Variants in NOL4 observed in about 807,000 individuals in gnomAD.
NOL4 encodes the protein cancer/testis antigen 125.
NOL4 carries 17 observed loss-of-function variants against 75.9 expected under a neutral mutation model. That is an observed-to-expected ratio of 0.22 (90% CI 0.15 to 0.34). NOL4 has a LOEUF of 0.34. NOL4 is among the 10% of genes least tolerant of loss of function. NOL4 has a pLI of 1.00. For synonymous variants in NOL4, 292 were observed against 289.9 expected (o/e 1.01, Z -0.07); for missense variants, 614 against 793.5 (o/e 0.77, Z 2.72).
intron 6 of NOL4, among the ~76,000 whole-genome samples, chr18:33,979,526 A>G (rs373121009): frequency 1.3e-5 from 2 of 152,060 alleles, no homozygotes; most frequent in Non-Finnish European, 2.9e-5. Flanking sequence ...TTAAATTATG[A>G]CATTAAAAAT....
chr18:34,016,603 A>T (rs2074710826), intron 6 of NOL4, among the ~76,000 whole-genome samples: 2 of 151,992 alleles, frequency 1.3e-5, no homozygotes, highest in African/African-American at 4.8e-5. Flanking sequence ...CCCATACATA[A>T]TCAGAATAAC....
At chr18:34,042,204 C>A (rs947055806) in intron 5 of NOL4, among the ~76,000 whole-genome samples, 2 of 151,976 alleles carry the variant, frequency 1.3e-5, no homozygotes, top group Admixed American at 1.3e-4. Context: ...CACTTCTCTG[C>A]AACCCATTCA....
intron 5 of NOL4, among the ~76,000 whole-genome samples, chr18:34,091,466 G>A (rs1018388655): frequency 2.0e-5 from 3 of 151,994 alleles, no homozygotes; most frequent in Non-Finnish European, 4.4e-5. Flanking sequence ...TCCTTCCCTC[G>A]GGAGGATTCA....
At chr18:34,082,082 T>G (rs1162409693) in intron 5 of NOL4, among the ~76,000 whole-genome samples, 1 of 152,186 alleles carries the variant, frequency 6.6e-6, no homozygotes, top group Non-Finnish European at 1.5e-5. Flanking sequence ...GCACAAGCTA[T>G]ATAAAAATAT....
In NOL4 at chr18:34,177,543, G is replaced by C. The variant is rs1049542425; in HGVS notation, c.264+45447C>G. On this transcript the variant is annotated intron_variant, in intron 1 of 10. Coordinates refer to ENST00000261592, the MANE Select transcript of NOL4 (RefSeq NM_003787.5). ...CAGGCTGAGTGTGAGTCCCCTTTTT[G>C]CTGAATATCAGAACTAGAAAATACA... is the stretch of plus-strand genomic sequence containing the variant. Among the ~76,000 whole-genome samples the C allele has an allele frequency of 5.3e-5, 8 of 151,818 alleles. No individual in the cohort carries two copies. The East Asian group carries it at 1.5e-3, about 29-fold the overall frequency.
At chr18:34,010,766 T>C (rs556221622) in intron 6 of NOL4, among the ~76,000 whole-genome samples, 1 of 152,026 alleles carries the variant, frequency 6.6e-6, no homozygotes, top group Admixed American at 6.6e-5. Context: ...TGAGATCACA[T>C]CTCATAGTAG....
At chr18:34,188,819 G>A (rs2034692828) in intron 1 of NOL4, among the ~76,000 whole-genome samples, 1 of 152,034 alleles carries the variant, frequency 6.6e-6, no homozygotes, top group South Asian at 2.1e-4. Context: ...ATAATTTGAG[G>A]ACTATCTGTA....
chr18:34,124,714 G>A (rs959171135), intron 2 of NOL4, among the ~76,000 whole-genome samples: 37 of 152,096 alleles, frequency 2.4e-4, no homozygotes, highest in African/African-American at 8.4e-4. Context: ...AGACCAGCCT[G>A]ACCAACATGG....
At chr18:34,144,508 G>C (rs2146028554) in intron 1 of NOL4, among the ~76,000 whole-genome samples, 1 of 152,178 alleles carries the variant, frequency 6.6e-6, no homozygotes, top group African/African-American at 2.4e-5. Context: ...TTACATTAAA[G>C]CTAATTTGAT....
At chr18:33,853,443 A>G (rs1043569379) in intron 10 of NOL4, among the ~76,000 whole-genome samples, 1 of 152,224 alleles carries the variant, frequency 6.6e-6, no homozygotes. Flanking sequence ...GACCGCATCA[A>G]TTTGCAATTT....
intron 1 of NOL4, among the ~76,000 whole-genome samples, chr18:34,199,016 C>T (rs2035539212): frequency 6.6e-6 from 1 of 151,772 alleles, no homozygotes; most frequent in African/African-American, 2.4e-5. Flanking sequence ...AATCTCTTAA[C>T]TTTGAATCTT....
chr18:34,097,368 T>A (rs2078835330), intron 4 of NOL4, among the ~76,000 whole-genome samples: 1 of 152,076 alleles, frequency 6.6e-6, no homozygotes. Context: ...TGTGCATGAG[T>A]GTAGATCCTG....
intron 5 of NOL4, among the ~76,000 whole-genome samples, chr18:34,064,373 G>C (rs1031431616): frequency 2.0e-5 from 3 of 151,978 alleles, no homozygotes; most frequent in Admixed American, 6.6e-5. Context: ...GTCTGAGATT[G>C]TATGCAGCCT....
intron 1 of NOL4, among the ~76,000 whole-genome samples, chr18:34,173,093 G>T (rs1228018399): frequency 6.6e-6 from 1 of 151,894 alleles, no homozygotes; most frequent in East Asian, 1.9e-4. Flanking sequence ...TCTGCCATTT[G>T]CAACAACATG....
chr18:34,117,497 G>C (rs1253132144), intron 2 of NOL4, among the ~76,000 whole-genome samples: 1 of 152,178 alleles, frequency 6.6e-6, no homozygotes, highest in African/African-American at 2.4e-5. Context: ...GCTCTAACTA[G>C]TTTGGGGTGA....
intron 1 of NOL4, among the ~76,000 whole-genome samples, chr18:34,135,338 T>C (rs2080842687): frequency 6.6e-6 from 1 of 152,026 alleles, no homozygotes; most frequent in Non-Finnish European, 1.5e-5. Context: ...AGACTTAAAT[T>C]ATTGATAATG....
intron 6 of NOL4, among the ~76,000 whole-genome samples, chr18:33,966,096 A>T (rs1797762590): frequency 2.0e-5 from 3 of 152,170 alleles, no homozygotes; most frequent in Admixed American, 2.0e-4. Context: ...ACAACATTTA[A>T]GAAGCACTAC....
chr18:33,866,331 C>A (rs536367349), intron 10 of NOL4, among the ~76,000 whole-genome samples: 2 of 152,188 alleles, frequency 1.3e-5, no homozygotes, highest in Admixed American at 6.5e-5. Context: ...TTAAAATCTT[C>A]TTTTCCCACT....
intron 9 of NOL4, among the ~76,000 whole-genome samples, chr18:33,941,516 C>T (rs74542808): frequency 0.026 from 3,937 of 151,954 alleles, 63 homozygotes; most frequent in Non-Finnish European, 0.028. Flanking sequence ...TTAATGCCTG[C>T]TTCTAGTTAA....
Sources: gnomAD v4.1 joint callset for allele counts (sites outside exome capture counted in the v4.1 genomes callset) on GRCh38, gnomAD v4.1.1 for gene constraint, MANE v1.5 for transcripts, NCBI Gene and HGNC (gene_info 2026-07-23, HGNC 2026-07-21) for gene names.